HIPK3: variants seen among roughly 807,000 people sequenced by gnomAD.
The protein encoded by HIPK3 is homeodomain-interacting protein kinase 3.
HIPK3 carries 47 observed loss-of-function variants against 124.2 expected under a neutral mutation model. That is an observed-to-expected ratio of 0.38 (90% CI 0.30 to 0.48). The LOEUF (loss-of-function observed/expected upper bound fraction) is 0.48. HIPK3 is among the 20% of genes least tolerant of loss of function. The pLI, the probability that HIPK3 is intolerant of heterozygous loss-of-function variation, is 0.98. For missense variants in HIPK3, 1,286 were observed against 1,454.3 expected (o/e 0.88, Z 1.88); for synonymous variants, 482 against 515.2 (o/e 0.94, Z 0.87).
intron 2 of HIPK3, among the ~76,000 whole-genome samples, chr11:33,301,935 G>A (rs1328551764): frequency 2.0e-5 from 3 of 151,634 alleles, no homozygotes; most frequent in African/African-American, 7.3e-5. Flanking sequence ...GGTCTCTTAA[G>A]TACTTTTATA....
chr11:33,290,785 T>G (rs1044822554), intron 2 of HIPK3, among the ~76,000 whole-genome samples: 1 of 152,282 alleles, frequency 6.6e-6, no homozygotes, highest in Non-Finnish European at 1.5e-5. Flanking sequence ...AATACTAGCC[T>G]TTGTATTAGG....
chr11:33,295,281 C>A (rs1367692365), intron 2 of HIPK3, among the ~76,000 whole-genome samples: 1 of 149,158 alleles, frequency 6.7e-6, no homozygotes, highest in African/African-American at 2.5e-5. Flanking sequence ...ACCACCGCCC[C>A]CCCCCCACAA....
At chr11:33,264,801 T>C (rs753833352) in intron 1 of HIPK3, among the ~76,000 whole-genome samples, 1 of 152,208 alleles carries the variant, frequency 6.6e-6, no homozygotes, top group Non-Finnish European at 1.5e-5. Context: ...CTTGAAAACA[T>C]TTGCAGGATA....
chr11:33,298,196 C>T (rs142806205), intron 2 of HIPK3, among the ~76,000 whole-genome samples: 18 of 152,122 alleles, frequency 1.2e-4, no homozygotes, highest in South Asian at 6.2e-4. Flanking sequence ...TACGCCAAAT[C>T]GACTCTGCCT....
At chr11:33,321,408 G>GT (rs1174287697) in intron 2 of HIPK3, among the ~76,000 whole-genome samples, 3 of 152,080 alleles carry the variant, frequency 2.0e-5, no homozygotes, top group African/African-American at 7.2e-5. Flanking sequence ...ATAATCAAGA[G>GT]TTTTTTTATT....
chr11:33,341,274 A>C, intron 7 of HIPK3, 147 bp downstream of exon 7: 1 of 608,708 alleles, frequency 1.6e-6, no homozygotes, highest in Non-Finnish European at 2.7e-6. Flanking sequence ...AATCTCTTAA[A>C]ATTCCAAGGT....
chr11:33,329,496 T>C (rs1852909292), intron 3 of HIPK3, among the ~76,000 whole-genome samples: 1 of 152,218 alleles, frequency 6.6e-6, no homozygotes, highest in South Asian at 2.1e-4. Context: ...ATTTTAGGGC[T>C]ATTTTCTCTA....
chr11:33,280,675 A>G (rs1851389116), intron 1 of HIPK3, among the ~76,000 whole-genome samples: 1 of 152,182 alleles, frequency 6.6e-6, no homozygotes, highest in Non-Finnish European at 1.5e-5. Context: ...CCCTGGGTTG[A>G]TTGATTGCCT....
chr11:33,270,095 A>C lies in HIPK3; in HGVS notation c.-3+12206A>C, dbSNP rs532959504. On this transcript the variant is annotated intron_variant, in intron 1 of 16. Coordinates refer to ENST00000303296, the MANE Select transcript of HIPK3 (RefSeq NM_005734.5). ...CAGGTGAAAGTGATTCCTCTGCCTC[A>C]GCTTCCCGAGTAGCTGGGATTACAG... 8.3e-4 allele frequency among the ~76,000 whole-genome samples: 127 copies of C among 152,218 alleles called. 1 individual carries two copies. The highest frequency in any genetic ancestry group is 6.2e-4 in the South Asian group (3 of 4,816).
chr11:33,271,660 A>C (rs1851127270), intron 1 of HIPK3, among the ~76,000 whole-genome samples: 2 of 152,200 alleles, frequency 1.3e-5, no homozygotes, highest in African/African-American at 2.4e-5. Flanking sequence ...TTTTCAGTCT[A>C]ATGAGGAAGC....
rs750285030 is a variant in HIPK3, at chr11:33,351,722, T to C, written c.2922T>C (p.His974=). 2 of 1,614,216 alleles carry C rather than the reference T, an allele frequency of 1.2e-6. No homozygotes were observed. The highest frequency in any genetic ancestry group is 1.7e-6 in the Non-Finnish European group (2 of 1,180,034). ...FAESTFVEDT[H]ENTELVSSAD... is the part of the protein sequence containing the mutation. ...AGAGCACTTTTGTGGAGGACACTCA[T>C]GAAAACACAGAATTGGTATCCTCTG... The change falls in exon 15 of 17, where the codon CAT becomes CAC. Residue 974 remains histidine (H), a synonymous_variant. Transcript: ENST00000303296.
At chr11:33,307,695 C>A (rs978281315) in intron 2 of HIPK3, among the ~76,000 whole-genome samples, 1 of 151,142 alleles carries the variant, frequency 6.6e-6, no homozygotes, top group South Asian at 2.1e-4. Context: ...CGTGAACCAC[C>A]GTGCCTGGCC....
chr11:33,347,795 TAGATCTTGATTAAAGAA>T (rs752877049), intron 10 of HIPK3, 40 bp from the exon 11 acceptor site: 69 of 1,612,980 alleles, frequency 4.3e-5, no homozygotes, highest in Non-Finnish European at 5.3e-5. Context: ...GTTTGCAGAC[TAGATCTTGATTAAAGAA>T]AGATCTTGAT....
intron 2 of HIPK3, among the ~76,000 whole-genome samples, chr11:33,300,636 T>C (rs897098895): frequency 6.6e-6 from 1 of 152,200 alleles, no homozygotes; most frequent in Non-Finnish European, 1.5e-5. Context: ...ACTCACCTTA[T>C]TGGGGTATTT....
At chr11:33,341,821 C>A in intron 8 of HIPK3, 135 bp downstream of exon 8, 3 of 770,032 alleles carry the variant, frequency 3.9e-6, no homozygotes, top group Non-Finnish European at 3.9e-6. Context: ...CTGTTCAGGC[C>A]AAGTGTGGTG....
Position 33,349,242 on chromosome 11 carries a change from G to C in HIPK3, c.2762G>C (p.Ser921Thr). Residue 921 changes from serine to threonine, a missense_variant, in exon 14 of 17, where the codon AGC becomes ACC. Around this residue, in one of 3 missense-constraint regions of HIPK3, gnomAD observed 810 missense variants for 864.9 expected, o/e 0.94. Coordinates refer to ENST00000303296, the MANE Select transcript of HIPK3 (RefSeq NM_005734.5). The part of the protein sequence containing the change: ...LSSPDSTLST[S>T]SSGQSSPSPC... The stretch of plus-strand genomic sequence containing the variant: ...AGTCCTGATAGTACTCTGAGTACCA[G>C]CTCCTCAGGGCAGTCCAGCCCATCC... 1 of 1,613,892 alleles carries C rather than the reference G, an allele frequency of 6.2e-7. No individual in the cohort carries two copies. Among genetic ancestry groups the C allele is most frequent in the Non-Finnish European group, 8.5e-7 (1 of 1,179,772 alleles).
chr11:33,292,681 A>G (rs982212626), intron 2 of HIPK3, among the ~76,000 whole-genome samples: 1 of 152,214 alleles, frequency 6.6e-6, no homozygotes, highest in Non-Finnish European at 1.5e-5. Context: ...TTAGACAAAT[A>G]CAAGATTGTC....
At chr11:33,348,137 C>T (rs1462998014) in intron 11 of HIPK3, 29 bp from the exon 12 acceptor site, 3 of 1,612,158 alleles carry the variant, frequency 1.9e-6, no homozygotes, top group African/African-American at 1.3e-5. Context: ...GTTACAAACA[C>T]TAAGCCAGCT....
intron 2 of HIPK3, among the ~76,000 whole-genome samples, chr11:33,321,373 AG>A (rs1447566290): frequency 6.6e-6 from 1 of 152,198 alleles, no homozygotes; most frequent in African/African-American, 2.4e-5. Flanking sequence ...GAACAGAAAA[AG>A]GGGTGATGGC....
Sources: allele counts gnomAD v4.1 joint callset (sites outside exome capture counted in the v4.1 genomes callset), GRCh38; gene constraint gnomAD v4.1.1; regional missense constraint gnomAD v4.1.1; transcripts MANE v1.5; gene names NCBI Gene and HGNC (gene_info 2026-07-23, HGNC 2026-07-21).